Variants in HIPK2 observed in about 807,000 individuals in gnomAD.
HIPK2 encodes homeodomain-interacting protein kinase 2.
A neutral mutation model predicts 113.7 loss-of-function variants in HIPK2; 27 were observed. The ratio of observed to expected loss-of-function variants is 0.24; its 90% CI spans 0.17 to 0.33. The LOEUF (loss-of-function observed/expected upper bound fraction) is 0.33. HIPK2 is among the 10% of genes least tolerant of loss of function. The probability of loss-of-function intolerance (pLI) is 1.00; values close to 1 mark genes in which losing one functional copy is unlikely to be tolerated. For synonymous variants in HIPK2, 631 were observed against 642.2 expected, an observed-to-expected ratio of 0.98 and a Z score of 0.26; for missense variants, 1,257 against 1,588.0, an observed-to-expected ratio of 0.79 and a Z score of 3.54.
chr7:139,777,978 C>G lies in HIPK2; in HGVS notation c.-355G>C, dbSNP rs1403575901. ...GCCGGGGGCAGCGCGCGGCCAGGGCCGGCGGGGCTCAGCTCAGCATGGCTG... is the reference window on the plus strand; with the variant it reads ...GCCGGGGGCAGCGCGCGGCCAGGGCGGGCGGGGCTCAGCTCAGCATGGCTG... On this transcript the variant is annotated 5_prime_UTR_variant, in exon 1 of 15. Coordinates refer to ENST00000406875, the MANE Select transcript of HIPK2 (RefSeq NM_022740.5). Among the ~76,000 whole-genome samples, 2 of 133,908 alleles carry G rather than the reference C, an allele frequency of 1.5e-5. No individual in the cohort carries two copies. Among genetic ancestry groups the G allele is most frequent in the African/African-American group, 2.7e-5 (1 of 37,052 alleles). The allele number at this position is 133,908 out of a possible 152,430, so 87.8% of individuals were successfully genotyped here. A position where few individuals can be genotyped will look rare whatever the true frequency, so the allele number is the denominator to read the frequency against.
In HIPK2 at chr7:139,683,957, AT is replaced by A. The variant is rs11449172; in HGVS notation, c.1103+31974del. Among the ~76,000 whole-genome samples the A allele has an allele frequency of 1.7e-4, 25 of 148,874 alleles. No individual in the cohort carries two copies. The highest frequency in any genetic ancestry group is 1.1e-3 in the South Asian group (5 of 4,682). ...TTGACTGAGCTTTGCAGATACCATGATTTTTTTTTTTTACACAAATTGAAGG... is the reference window on the plus strand; with the variant it reads ...TTGACTGAGCTTTGCAGATACCATGATTTTTTTTTTTACACAAATTGAAGG... On this transcript the variant is annotated intron_variant, in intron 2 of 14. Coordinates refer to ENST00000406875, the MANE Select transcript of HIPK2 (RefSeq NM_022740.5). This position sits in a 1 kb window ranked among gnomAD's most constrained non-coding sequence, Gnocchi z 4.2.
intron 2 of HIPK2, among the ~76,000 whole-genome samples, chr7:139,662,269 G>C (rs1022326717): frequency 2.6e-5 from 4 of 152,188 alleles, no homozygotes; most frequent in African/African-American, 9.7e-5. Flanking sequence ...TCACACACTT[G>C]TCAAGTGCCT....
At chr7:139,756,349 A>G (rs1391258123) in intron 1 of HIPK2, among the ~76,000 whole-genome samples, 2 of 152,214 alleles carry the variant, frequency 1.3e-5, no homozygotes, top group African/African-American at 4.8e-5. Flanking sequence ...CCTTTTCCTA[A>G]AAAGTATATG....
intron 2 of HIPK2, among the ~76,000 whole-genome samples, chr7:139,649,402 G>A (rs975711079): frequency 4.6e-5 from 7 of 152,218 alleles, no homozygotes; most frequent in Admixed American, 2.6e-4. Flanking sequence ...GAGCAAATAA[G>A]ACTAGTTACC....
At chr7:139,675,377 A>G (rs1382801894) in intron 2 of HIPK2, among the ~76,000 whole-genome samples, 1 of 152,016 alleles carries the variant, frequency 6.6e-6, no homozygotes, top group Non-Finnish European at 1.5e-5. Context: ...CAGCATATGA[A>G]AAACAGTGAG....
At chr7:139,690,086 G>A (rs962301167) in intron 2 of HIPK2, among the ~76,000 whole-genome samples, 29 of 151,696 alleles carry the variant, frequency 1.9e-4, no homozygotes, top group Non-Finnish European at 3.5e-4. Flanking sequence ...GTGCGGGGAG[G>A]GACAGCTGAC....
At chr7:139,655,626 C>T (rs1801639776) in intron 2 of HIPK2, among the ~76,000 whole-genome samples, 1 of 152,210 alleles carries the variant, frequency 6.6e-6, no homozygotes, top group Non-Finnish European at 1.5e-5. Context: ...GTCCCTGCTC[C>T]CTGCCCTGCA....
At chr7:139,717,673 G>A (rs1795288475) in intron 1 of HIPK2, among the ~76,000 whole-genome samples, 2 of 152,060 alleles carry the variant, frequency 1.3e-5, no homozygotes, top group South Asian at 2.1e-4. Flanking sequence ...ATTCACTCAC[G>A]CTTCCTGCTA....
chr7:139,612,227 TAAAC>T (rs1268972062), intron 9 of HIPK2, among the ~76,000 whole-genome samples: 3 of 152,150 alleles, frequency 2.0e-5, no homozygotes, highest in African/African-American at 4.8e-5. Context: ...AATTAAAAAT[TAAAC>T]AACAACAAAA....
In HIPK2 at chr7:139,561,658, A is replaced by G. The variant is rs1005923658; in HGVS notation, c.*11269T>C. The G allele has an allele frequency of 6.6e-6, 1 of 152,196 alleles. No individual in the cohort carries two copies. Among genetic ancestry groups the G allele is most frequent in the Non-Finnish European group, 1.5e-5 (1 of 68,038 alleles). 9.4% of individuals were successfully genotyped at this position (152,196 alleles called of 1,614,324 possible). A position where few individuals can be genotyped will look rare whatever the true frequency, so the allele number is the denominator to read the frequency against. On this transcript the variant is annotated 3_prime_UTR_variant, in exon 15 of 15. Transcript: ENST00000406875. ...TACAATATGCATATGTGAGTTTACA[A>G]ATTTTAATTAATAAGTCATTTCACC...
At chr7:139,770,805 A>C (rs1450201122) in intron 1 of HIPK2, among the ~76,000 whole-genome samples, 2 of 152,276 alleles carry the variant, frequency 1.3e-5, no homozygotes, top group African/African-American at 2.4e-5. Context: ...CTACTAAGGC[A>C]AAAGTACTTA....
intron 7 of HIPK2, among the ~76,000 whole-genome samples, chr7:139,615,311 G>A (rs1277672485): frequency 6.6e-6 from 1 of 152,220 alleles, no homozygotes; most frequent in Non-Finnish European, 1.5e-5. Flanking sequence ...TGAGCCTGGG[G>A]CTTTGTGTCT....
intron 1 of HIPK2, among the ~76,000 whole-genome samples, chr7:139,747,881 C>T (rs140231419): frequency 7.1e-4 from 108 of 152,330 alleles, no homozygotes; most frequent in African/African-American, 2.3e-3. Flanking sequence ...TTGAGTTCCT[C>T]GGCCCCACTG....
Position 139,566,697 on chromosome 7 carries a change from T to C in HIPK2, c.*6230A>G, listed in dbSNP as rs1430929091. On this transcript the variant is annotated 3_prime_UTR_variant, in exon 15 of 15. Coordinates refer to ENST00000406875, the MANE Select transcript of HIPK2 (RefSeq NM_022740.5). This position sits in a 1 kb window ranked among gnomAD's most constrained non-coding sequence, Gnocchi z 4.1. Reference sequence around the variant, plus strand: ...CCTGTGGGATGGCTGTTGGGGCCCCTTGAGACAACGCTCATAAAGGCCTTA... The same window carrying C: ...CCTGTGGGATGGCTGTTGGGGCCCCCTGAGACAACGCTCATAAAGGCCTTA... 6.6e-6 allele frequency: 1 copy of C among 152,192 alleles called. No individual in the cohort carries two copies. Among genetic ancestry groups the C allele is most frequent in the African/African-American group, 2.4e-5 (1 of 41,438 alleles). 9.4% of individuals were successfully genotyped at this position (152,192 alleles called of 1,614,324 possible).
At chr7:139,751,388 C>A (rs1585454173) in intron 1 of HIPK2, among the ~76,000 whole-genome samples, 1 of 152,284 alleles carries the variant, frequency 6.6e-6, no homozygotes, top group East Asian at 1.9e-4. Context: ...ACTCAAGAAC[C>A]AATCCTGGCT....
intron 2 of HIPK2, among the ~76,000 whole-genome samples, chr7:139,663,550 C>T (rs78211656): frequency 0.16 from 24,124 of 152,136 alleles, 2,291 homozygotes; most frequent in East Asian, 0.41. Flanking sequence ...CTATGCCAAA[C>T]CATATGTAAC....
At chr7:139,648,338 T>G (rs2116442498) in intron 2 of HIPK2, among the ~76,000 whole-genome samples, 1 of 152,262 alleles carries the variant, frequency 6.6e-6, no homozygotes, top group South Asian at 2.1e-4. Flanking sequence ...CTCTTCTGGG[T>G]TTCCCTGACT....
At position 139,620,452 on chromosome 7, in the gene HIPK2, G is replaced by T; in HGVS notation, c.1731C>A (p.Ser577=). Residue 577 remains serine, a synonymous_variant, in exon 7 of 15, where the codon TCC becomes TCA. Coordinates refer to ENST00000406875, the MANE Select transcript of HIPK2 (RefSeq NM_022740.5). ...TGTTAAAGGTCATGGTCAGGTTGGT[G>T]GACGTGCTGGGGGCCACGTGCGTGA... is the stretch of plus-strand genomic sequence containing the variant. The part of the protein sequence containing the change: ...PFITHVAPST[S]TNLTMTFNNQ... 1 of 1,614,004 alleles carries T rather than the reference G, an allele frequency of 6.2e-7. No homozygotes were observed. The highest frequency in any genetic ancestry group is 8.5e-7 in the Non-Finnish European group (1 of 1,179,920).
rs923271386 is a variant in HIPK2, at chr7:139,562,294, A to C, written c.*10633T>G. On this transcript the variant is annotated 3_prime_UTR_variant, in exon 15 of 15. Coordinates refer to ENST00000406875, the MANE Select transcript of HIPK2 (RefSeq NM_022740.5). ...GGCTTTCATAGGGTTATTGAGATTG[A>C]GCTGAGATGACCTGGGAGAGAAAGA... is the stretch of plus-strand genomic sequence containing the variant. 4 of 152,220 alleles carry C rather than the reference A, an allele frequency of 2.6e-5. No homozygotes were observed. The highest frequency in any genetic ancestry group is 9.6e-5 in the African/African-American group (4 of 41,452). 9.4% of individuals were successfully genotyped at this position (152,220 alleles called of 1,614,324 possible).
Sources: gnomAD v4.1 joint callset for allele counts (sites outside exome capture counted in the v4.1 genomes callset) on GRCh38, gnomAD v4.1.1 for gene constraint, Gnocchi (gnomAD v3.1) non-coding constraint, MANE v1.5 for transcripts, NCBI Gene and HGNC (gene_info 2026-07-23, HGNC 2026-07-21) for gene names.